Variants in ANKS1B observed in about 807,000 individuals in gnomAD.
ANKS1B encodes the protein ankyrin repeat and sterile alpha motif domain containing 1B.
Under a neutral mutation model 148.3 loss-of-function variants are expected in ANKS1B, and 36 were observed. The observed-to-expected ratio is 0.24, with a 90% CI of 0.19 to 0.32. The LOEUF (loss-of-function observed/expected upper bound fraction) is 0.32. Among genes scored for constraint, ANKS1B ranks in the 10% least tolerant of loss-of-function variants. ANKS1B has a pLI of 1.00. For missense variants in ANKS1B, 1,157 were observed against 1,542.6 expected (o/e 0.75, Z 4.19); for synonymous variants, 542 against 560.8 (o/e 0.97, Z 0.47).
intron 12 of ANKS1B, among the ~76,000 whole-genome samples, chr12:99,294,181 C>A (rs560404273): frequency 7.2e-4 from 109 of 152,288 alleles, no homozygotes; most frequent in African/African-American, 2.6e-3. Flanking sequence ...TAGTTATATA[C>A]CCAAATGAAA....
At chr12:99,404,125 A>G (rs2094477007) in intron 11 of ANKS1B, among the ~76,000 whole-genome samples, 1 of 146,304 alleles carries the variant, frequency 6.8e-6, no homozygotes, top group Admixed American at 6.8e-5. Context: ...GAGCTAAATT[A>G]TAACTAATGG....
At chr12:99,285,814 C>G (rs1028769347) in intron 12 of ANKS1B, among the ~76,000 whole-genome samples, 3 of 152,092 alleles carry the variant, frequency 2.0e-5, no homozygotes, top group African/African-American at 7.2e-5. Flanking sequence ...GCTGTCATAA[C>G]AGGGACTAAC....
intron 17 of ANKS1B, among the ~76,000 whole-genome samples, chr12:98,957,307 T>TTAAA (rs1206368878): frequency 6.9e-6 from 1 of 145,350 alleles, no homozygotes; most frequent in African/African-American, 2.5e-5. Flanking sequence ...AGGATTTTTT[T>TTAAA]TAAATATTTA....
At chr12:99,319,520 A>G (rs2084824971) in intron 12 of ANKS1B, among the ~76,000 whole-genome samples, 2 of 151,918 alleles carry the variant, frequency 1.3e-5, no homozygotes, top group Admixed American at 6.6e-5. Context: ...TTTGTTTTCC[A>G]TTTGCTTGGT....
intron 19 of ANKS1B, among the ~76,000 whole-genome samples, chr12:98,818,489 C>A (rs2099159905): frequency 6.6e-6 from 1 of 152,082 alleles, no homozygotes; most frequent in African/African-American, 2.4e-5. Flanking sequence ...GTGCAGCTCC[C>A]CAGGTTCCAG....
At chr12:99,521,739 T>G (rs1456219910) in intron 9 of ANKS1B, among the ~76,000 whole-genome samples, 2 of 152,184 alleles carry the variant, frequency 1.3e-5, no homozygotes, top group East Asian at 3.8e-4. Flanking sequence ...TCTCGCTCTC[T>G]CTCTCTCTCT....
In ANKS1B at chr12:99,451,695, G is replaced by A. The variant is rs147068696; in HGVS notation, c.1439-7886C>T. ...CTTTGAAATCAGAAAACCCTAAGCT[G>A]AAATTCTGGTATATTTAACTTCAGT... On this transcript the variant is annotated intron_variant, in intron 10 of 26. Coordinates refer to ENST00000683438, the MANE Select transcript of ANKS1B (RefSeq NM_001352186.2). Among the ~76,000 whole-genome samples the A allele has an allele frequency of 8.2e-3, 1,246 of 152,226 alleles. 7 individuals carry two copies. Among genetic ancestry groups the A allele is most frequent in the Non-Finnish European group, 0.014 (933 of 67,996 alleles).
intron 1 of ANKS1B, among the ~76,000 whole-genome samples, chr12:99,915,861 T>G (rs577141027): frequency 1.3e-5 from 2 of 152,206 alleles, no homozygotes; most frequent in Non-Finnish European, 2.9e-5. Context: ...TCTCCTATCT[T>G]CTGGTGGTTT....
rs183421081 is a variant in ANKS1B, at chr12:99,144,857, C to T, written c.2526+9432G>A. Among the ~76,000 whole-genome samples, 171 of 152,112 alleles carry T rather than the reference C, an allele frequency of 1.1e-3. 1 individual carries two copies. Among genetic ancestry groups the T allele is most frequent in the African/African-American group, 3.7e-3 (152 of 41,534 alleles). ...GGAGATAGGTCCAGAATGGCTCCTT[C>T]CCTTATAGCCCTCAGAGGAACCAAC... On this transcript the variant is annotated intron_variant, in intron 15 of 26. Coordinates refer to ENST00000683438, the MANE Select transcript of ANKS1B (RefSeq NM_001352186.2).
chr12:99,646,127 TA>T (rs1285144153), intron 9 of ANKS1B, among the ~76,000 whole-genome samples: 1 of 152,176 alleles, frequency 6.6e-6, no homozygotes, highest in African/African-American at 2.4e-5. Flanking sequence ...TGGACACTTT[TA>T]AAACGTTATT....
At position 99,067,174 on chromosome 12, in the gene ANKS1B, G is replaced by C. The variant is rs188709228; in HGVS notation, c.2626-13865C>G. 1.5e-3 allele frequency among the ~76,000 whole-genome samples: 233 copies of C among 152,344 alleles called. 1 individual carries two copies. The highest frequency in any genetic ancestry group is 2.6e-3 in the Non-Finnish European group (180 of 68,028). On this transcript the variant is annotated intron_variant, in intron 16 of 26. Coordinates refer to ENST00000683438, the MANE Select transcript of ANKS1B (RefSeq NM_001352186.2). The stretch of plus-strand genomic sequence containing the variant: ...ACATTGAGAACAAAAGGAGTAGGCA[G>C]AATTAGCACCAGCAACTTTGTCAGC...
intron 9 of ANKS1B, among the ~76,000 whole-genome samples, chr12:99,547,849 G>A (rs988060434): frequency 2.6e-5 from 4 of 152,132 alleles, no homozygotes; most frequent in African/African-American, 9.7e-5. Context: ...AGGTAGAAGA[G>A]TTTATGCTAG....
chr12:98,943,796 G>T (rs559211739), intron 17 of ANKS1B, among the ~76,000 whole-genome samples: 38 of 152,294 alleles, frequency 2.5e-4, no homozygotes, highest in African/African-American at 8.7e-4. Flanking sequence ...CAAATTCTGG[G>T]GAGTGGGATG....
At chr12:99,592,744 T>C (rs959905809) in intron 9 of ANKS1B, among the ~76,000 whole-genome samples, 14 of 152,084 alleles carry the variant, frequency 9.2e-5, no homozygotes, top group African/African-American at 3.4e-4. Flanking sequence ...CAATGGCCCA[T>C]GACACAGCTC....
chr12:99,412,139 C>G (rs1325623919), intron 11 of ANKS1B, among the ~76,000 whole-genome samples: 3 of 152,082 alleles, frequency 2.0e-5, no homozygotes, highest in Non-Finnish European at 4.4e-5. Flanking sequence ...AATCACCTCT[C>G]AAATCTTTCT....
intron 1 of ANKS1B, among the ~76,000 whole-genome samples, chr12:99,850,281 G>GTCTCTCCCTCTCTCTCCC (rs57015094): frequency 8.8e-6 from 1 of 114,206 alleles, no homozygotes; most frequent in African/African-American, 3.6e-5. Flanking sequence ...AAGCAAGAAA[G>GTCTCTCCCTCTCTCTCCC]TCTCTCTCTC....
intron 17 of ANKS1B, among the ~76,000 whole-genome samples, chr12:98,998,574 G>T (rs1326443423): frequency 6.6e-6 from 1 of 152,120 alleles, no homozygotes; most frequent in African/African-American, 2.4e-5. Flanking sequence ...GTGATAAAAT[G>T]GTGGTCTATG....
chr12:99,367,421 C>A (rs997735255), intron 12 of ANKS1B, among the ~76,000 whole-genome samples: 3 of 152,184 alleles, frequency 2.0e-5, no homozygotes, highest in African/African-American at 4.8e-5. Flanking sequence ...GTGAGCTACA[C>A]ATTACTGATG....
chr12:99,293,849 T>G (rs2080423777), intron 12 of ANKS1B, among the ~76,000 whole-genome samples: 1 of 152,146 alleles, frequency 6.6e-6, no homozygotes, highest in Non-Finnish European at 1.5e-5. Flanking sequence ...ATACTCTGAT[T>G]TAAAAATGGG....
Sources: gnomAD v4.1 joint callset for allele counts (sites outside exome capture counted in the v4.1 genomes callset) on GRCh38, gnomAD v4.1.1 for gene constraint, MANE v1.5 for transcripts, NCBI Gene and HGNC (gene_info 2026-07-23, HGNC 2026-07-21) for gene names.